PROSER3: variants seen among roughly 807,000 people sequenced by gnomAD.
PROSER3 encodes the protein proline and serine rich 3.
PROSER3 carries 33 observed loss-of-function variants against 50.2 expected under a neutral mutation model. The observed-to-expected ratio is 0.66, with a 90% CI of 0.50 to 0.88. The LOEUF (loss-of-function observed/expected upper bound fraction) is 0.88, where lower values mean the gene tolerates loss of function less well. Ranked by LOEUF, PROSER3 falls within the 40% of genes least tolerant of loss-of-function variation. The pLI, the probability that PROSER3 is intolerant of heterozygous loss-of-function variation, is 0.00. For synonymous variants in PROSER3, 266 were observed against 259.3 expected (o/e 1.03, Z -0.25); for missense variants, 623 against 612.7 (o/e 1.02, Z -0.18).
rs7252936 is a variant in PROSER3 at position 35,765,064 on chromosome 19, C to G, written c.657C>G (p.Leu219=). The change falls in exon 7 of 11, where the codon CTC becomes CTG. Residue 219 remains leucine, a synonymous_variant. Coordinates refer to ENST00000396908, the Ensembl canonical transcript of PROSER3. Reference sequence around the variant, plus strand: ...CCTCCATCTCCTCCTCCTCCTCCCTCAGCCCCAGCGATGCCAGCACTTCCT... The same window carrying G: ...CCTCCATCTCCTCCTCCTCCTCCCTGAGCCCCAGCGATGCCAGCACTTCCT... The G allele has an allele frequency of 0.096, 154,662 of 1,613,738 alleles. 8,071 individuals carry two copies. The highest frequency in any genetic ancestry group is 0.15 in the Admixed American group (9,265 of 60,012).
chr19:35,766,879 G>A (rs763667951), exon 8 of PROSER3: 29 of 1,552,090 alleles, frequency 1.9e-5, no homozygotes, highest in Non-Finnish European at 2.1e-5. Flanking sequence ...CGGCAGCGGC[G>A]GAAGCTTGAA....
exon 4 of PROSER3, chr19:35,762,100 G>T (rs369644205): frequency 8.1e-6 from 13 of 1,610,658 alleles, no homozygotes; most frequent in Non-Finnish European, 1.1e-5. Context: ...CTGACTTTTG[G>T]TGGCTGCAGT....
intron 5 of PROSER3, among the ~76,000 whole-genome samples, chr19:35,764,185 C>T (rs1410770293): frequency 6.6e-6 from 1 of 152,146 alleles, no homozygotes; most frequent in African/African-American, 2.4e-5. Flanking sequence ...GGTCCTGGCT[C>T]AGTGACTCCA....
chr19:35,767,969 T>G, exon 9 of PROSER3: 1 of 1,607,620 alleles, frequency 6.2e-7, no homozygotes, highest in Non-Finnish European at 8.5e-7. Flanking sequence ...CCAGGTGGGG[T>G]CTCCGGAGGC....
chr19:35,762,462 A>G, intron 5 of PROSER3, 106 bp downstream of exon 5: 1 of 1,108,786 alleles, frequency 9.0e-7, no homozygotes, highest in Non-Finnish European at 1.3e-6. Context: ...TAATCCCAGC[A>G]CTTTGGGAGG....
exon 3 of PROSER3, chr19:35,759,814 G>T (rs1330064297): frequency 6.4e-7 from 1 of 1,567,998 alleles, no homozygotes; most frequent in East Asian, 2.4e-5. Context: ...AGGTCTCAGA[G>T]ATCCAGGCTC....
At chr19:35,767,969 T>C (rs777801005) in exon 9 of PROSER3, 1 of 1,607,620 alleles carries the variant, frequency 6.2e-7, no homozygotes, top group Non-Finnish European at 8.5e-7. Context: ...CCAGGTGGGG[T>C]CTCCGGAGGC....
chr19:35,769,780 T>A (rs1971286484), downstream of PROSER3: 1 of 151,838 alleles, frequency 6.6e-6, no homozygotes. Context: ...GCCCAGGCTG[T>A]AGTACAATGG....
chr19:35,765,394 A>G (rs1971110414), intron 7 of PROSER3, among the ~76,000 whole-genome samples: 2 of 152,098 alleles, frequency 1.3e-5, no homozygotes, highest in African/African-American at 4.8e-5. Context: ...GAAACCCGGT[A>G]TCTACTAAAA....
chr19:35,769,242 C>G (rs73592452), downstream of PROSER3: 1 of 152,002 alleles, frequency 6.6e-6, no homozygotes, highest in African/African-American at 2.4e-5. Context: ...AAAGACATCT[C>G]AAATTCCATA....
chr19:35,764,859 C>G, exon 6 of PROSER3: 5 of 1,613,372 alleles, frequency 3.1e-6, no homozygotes, highest in Non-Finnish European at 4.2e-6. Flanking sequence ...TGCAGAACCT[C>G]CACACATGGA....
At position 35,767,059 on chromosome 19, in the gene PROSER3, T is replaced by C; in HGVS notation, c.957+104T>C. The C allele has an allele frequency of 7.4e-7, 1 of 1,354,642 alleles. No individual in the cohort carries two copies. Among genetic ancestry groups the C allele is most frequent in the Non-Finnish European group, 1.0e-6 (1 of 1,003,728 alleles). 83.9% of individuals were successfully genotyped at this position (1,354,642 alleles called of 1,614,324 possible). On this transcript the variant is annotated intron_variant, in intron 8 of 10. Coordinates refer to ENST00000396908, the Ensembl canonical transcript of PROSER3. ...CTCTCTCTCTGTCTCAGATCTCTCT[T>C]ATCTGTCTACAGACCTCTCCTGCTC... is the stretch of plus-strand genomic sequence containing the variant.
At chr19:35,769,713 C>T (rs1971285340), downstream of PROSER3, 1 of 152,478 alleles carries the variant, frequency 6.6e-6, no homozygotes, top group South Asian at 2.1e-4. Context: ...ACCAGGAAAT[C>T]CTGCCATCTC....
intron 3 of PROSER3, among the ~76,000 whole-genome samples, chr19:35,761,544 C>T (rs1021335035): frequency 6.6e-6 from 1 of 152,156 alleles, no homozygotes. Flanking sequence ...TGCCTGTAAT[C>T]CCAGTGACTT....
rs376427926 is a variant in PROSER3 at position 35,758,660 on chromosome 19, GTTCT to G, written c.11+449_11+452del. The G allele has an allele frequency of 5.3e-4, 96 of 179,658 alleles. 3 individuals are homozygous for G. The highest frequency in any genetic ancestry group is 2.4e-3 in the Middle Eastern group (1 of 412). The allele number at this position is 179,658 out of a possible 1,614,324, so 11.1% of individuals were successfully genotyped here. On this transcript the variant is annotated intron_variant, in intron 1 of 10. Transcript: ENST00000396908. ...TGCTCGGTGATATAATCCAGCCGCG[GTTCT>G]TTCTTTCTTTCTTTTTTTTTAAGAC...
chr19:35,767,195 C>T lies in PROSER3; in HGVS notation c.957+240C>T, dbSNP rs971018589. 3 of 487,116 alleles carry T rather than the reference C, an allele frequency of 6.2e-6. No homozygotes were observed. In the South Asian group the frequency reaches 1.1e-4, roughly 18 times the overall value. 30.2% of individuals were successfully genotyped at this position (487,116 alleles called of 1,614,324 possible). On this transcript the variant is annotated intron_variant, in intron 8 of 10. Coordinates refer to ENST00000396908, the Ensembl canonical transcript of PROSER3. Reference sequence around the variant, plus strand: ...CTTCTATGTGGAGAGGCCTCCTTTTCCCTCAGTGTCCTCTCCACACATCTT... The same window carrying T: ...CTTCTATGTGGAGAGGCCTCCTTTTTCCTCAGTGTCCTCTCCACACATCTT...
intron 5 of PROSER3, chr19:35,762,731 A>T (rs11880070): frequency 0.07 from 3,929 of 55,998 alleles, 186 homozygotes; most frequent in African/African-American, 0.33. Flanking sequence ...GTCTCTATTT[A>T]AAAAAAAAAA....
chr19:35,767,730 C>T (rs1167998950), intron 8 of PROSER3: 1 of 1,530,038 alleles, frequency 6.5e-7, no homozygotes, highest in Non-Finnish European at 8.8e-7. Flanking sequence ...AAGGCTGGAT[C>T]TCCGAAAGTC....
intron 5 of PROSER3, among the ~76,000 whole-genome samples, chr19:35,763,505 CTTTT>C (rs1314409508): frequency 1.5e-5 from 2 of 136,716 alleles, no homozygotes; most frequent in African/African-American, 2.8e-5. Flanking sequence ...CAAGCCCGGC[CTTTT>C]TTTTTTTTTT....
Sources: gnomAD v4.1 joint callset for allele counts (sites outside exome capture counted in the v4.1 genomes callset) on GRCh38, gnomAD v4.1.1 for gene constraint, MANE v1.5 for transcripts, NCBI Gene and HGNC (gene_info 2026-07-23, HGNC 2026-07-21) for gene names.